The following ZNF804B variants were observed in gnomAD, a reference collection of about 807,000 sequenced individuals.
ZNF804B encodes the protein zinc finger protein 804B.
In ZNF804B, 80 loss-of-function variants were observed where a neutral mutation model predicts 101.4. The observed-to-expected ratio is 0.79, with a 90% CI of 0.66 to 0.95. ZNF804B has a LOEUF of 0.95. Among genes scored for constraint, ZNF804B ranks in the 40% least tolerant of loss-of-function variants. The pLI is 0.00. For synonymous variants in ZNF804B, 622 were observed against 558.8 expected (o/e 1.11, Z -1.59); for missense variants, 1,673 against 1,561.9 (o/e 1.07, Z -1.20).
intron 1 of ZNF804B, among the ~76,000 whole-genome samples, chr7:89,144,754 A>G (rs900659066): frequency 6.6e-6 from 1 of 152,090 alleles, no homozygotes; most frequent in East Asian, 1.9e-4. Context: ...AGCTTGATTT[A>G]ATCATCCAAC....
chr7:89,039,529 G>A (rs1238018225), intron 1 of ZNF804B, among the ~76,000 whole-genome samples: 2 of 151,592 alleles, frequency 1.3e-5, no homozygotes, highest in Non-Finnish European at 2.9e-5. Context: ...ATTCATATAT[G>A]TTGATTTTGT....
At chr7:89,005,435 A>G (rs1318945487) in intron 1 of ZNF804B, among the ~76,000 whole-genome samples, 1 of 152,102 alleles carries the variant, frequency 6.6e-6, no homozygotes, top group Non-Finnish European at 1.5e-5. Flanking sequence ...CATTTTTAAT[A>G]CTACTGTGTA....
intron 1 of ZNF804B, among the ~76,000 whole-genome samples, chr7:88,842,309 C>T (rs1341288673): frequency 6.6e-6 from 1 of 152,196 alleles, no homozygotes; most frequent in African/African-American, 2.4e-5. Context: ...CACTCTGCTT[C>T]AGCCATTGTC....
At chr7:89,096,799 G>C (rs1789977932) in intron 1 of ZNF804B, among the ~76,000 whole-genome samples, 1 of 151,820 alleles carries the variant, frequency 6.6e-6, no homozygotes, top group Admixed American at 6.6e-5. Context: ...TATTTTTATT[G>C]CAAGTGGCCA....
chr7:88,834,900 C>CA (rs1339620015), intron 1 of ZNF804B, among the ~76,000 whole-genome samples: 2 of 151,692 alleles, frequency 1.3e-5, no homozygotes, highest in African/African-American at 2.4e-5. Flanking sequence ...ATGTCCAGAA[C>CA]AACATATGAC....
rs887842024 is a variant in ZNF804B, at chr7:89,086,793, C to A, written c.109-131362C>A. Among the ~76,000 whole-genome samples the A allele has an allele frequency of 5.3e-5, 8 of 151,724 alleles. 1 individual carries two copies. The highest frequency in any genetic ancestry group is 5.3e-4 in the Admixed American group (8 of 15,196). The stretch of plus-strand genomic sequence containing the variant: ...GCATGGTTTTTATAATAAATTAATT[C>A]TTCCTAGAAGCTTGTGTGTAAGTAA... On this transcript the variant is annotated intron_variant, in intron 1 of 3. Transcript: ENST00000333190.
chr7:89,161,963 T>A (rs947949028), intron 1 of ZNF804B, among the ~76,000 whole-genome samples: 1 of 152,182 alleles, frequency 6.6e-6, no homozygotes, highest in Non-Finnish European at 1.5e-5. Flanking sequence ...TTGATAATGA[T>A]CTACACAGAT....
intron 1 of ZNF804B, among the ~76,000 whole-genome samples, chr7:88,976,275 T>C (rs1227485323): frequency 1.3e-5 from 2 of 151,658 alleles, no homozygotes; most frequent in African/African-American, 4.8e-5. Context: ...ATTTTTTCTA[T>C]TTCTGTGAAG....
intron 2 of ZNF804B, among the ~76,000 whole-genome samples, chr7:89,309,352 G>A (rs538434724): frequency 1.3e-5 from 2 of 152,254 alleles, no homozygotes; most frequent in Admixed American, 1.3e-4. Flanking sequence ...TGTGTAGTGA[G>A]AATTAGTAAT....
intron 2 of ZNF804B, among the ~76,000 whole-genome samples, chr7:89,283,634 G>C (rs1380598440): frequency 4.6e-5 from 7 of 152,114 alleles, no homozygotes; most frequent in Non-Finnish European, 1.0e-4. Flanking sequence ...TTAAATCAGA[G>C]TGTTGTGTCA....
intron 1 of ZNF804B, among the ~76,000 whole-genome samples, chr7:88,876,410 C>G (rs1330804713): frequency 6.6e-6 from 1 of 152,156 alleles, no homozygotes; most frequent in Non-Finnish European, 1.5e-5. Context: ...GTCTAGGCTT[C>G]TTTAATTTAA....
In ZNF804B at chr7:88,801,045, T is replaced by TTTTTA. The variant is rs1554336068; in HGVS notation, c.108+40980_108+40984dup. Among the ~76,000 whole-genome samples the TTTTTA allele has an allele frequency of 3.3e-5, 5 of 152,106 alleles. No homozygotes were observed. The South Asian group carries it at 8.3e-4, about 25-fold the overall frequency. Reference sequence around the variant, plus strand: ...CTATTAGAATAATCTAGTGGAGAATTTTTTATTTTATTTTATTTTATTTCC... The same window carrying TTTTTA: ...CTATTAGAATAATCTAGTGGAGAATTTTTTATTTTATTTTATTTTATTTTATTTCC... On this transcript the variant is annotated intron_variant, in intron 1 of 3. Coordinates refer to ENST00000333190, the MANE Select transcript of ZNF804B (RefSeq NM_181646.5).
chr7:89,285,546 A>AAAAAAAAAAAGAAG (rs1554389597), intron 2 of ZNF804B, among the ~76,000 whole-genome samples: 5 of 93,420 alleles, frequency 5.4e-5, no homozygotes, highest in Non-Finnish European at 1.0e-4. Context: ...AAAAAAAAAA[A>AAAAAAAAAAAGAAG]AAGAAGAAGA....
chr7:88,807,954 T>G (rs1388872567), intron 1 of ZNF804B, among the ~76,000 whole-genome samples: 1 of 152,148 alleles, frequency 6.6e-6, no homozygotes, highest in African/African-American at 2.4e-5. Context: ...TTCACTAAAT[T>G]GTAAACTGTC....
chr7:88,993,862 T>C (rs1793883169), intron 1 of ZNF804B, among the ~76,000 whole-genome samples: 1 of 151,980 alleles, frequency 6.6e-6, no homozygotes, highest in Non-Finnish European at 1.5e-5. Context: ...GGAAAAAAGA[T>C]AGAAAATTTG....
intron 1 of ZNF804B, among the ~76,000 whole-genome samples, chr7:88,856,697 G>C (rs1467920216): frequency 6.6e-6 from 1 of 152,090 alleles, no homozygotes; most frequent in African/African-American, 2.4e-5. Flanking sequence ...TTTTCAAAGG[G>C]AATGCTTCCA....
At chr7:88,990,513 A>C (rs1793829811) in intron 1 of ZNF804B, among the ~76,000 whole-genome samples, 1 of 152,048 alleles carries the variant, frequency 6.6e-6, no homozygotes, top group Non-Finnish European at 1.5e-5. Context: ...TTACAGAGTA[A>C]AAAATAAAGG....
At chr7:88,917,680 C>A (rs1792656675) in intron 1 of ZNF804B, among the ~76,000 whole-genome samples, 1 of 152,044 alleles carries the variant, frequency 6.6e-6, no homozygotes, top group African/African-American at 2.4e-5. Flanking sequence ...CAAATTACAT[C>A]AAGATTGCCA....
intron 1 of ZNF804B, among the ~76,000 whole-genome samples, chr7:89,110,745 T>G (rs1790203755): frequency 2.0e-5 from 3 of 152,134 alleles, no homozygotes; most frequent in African/African-American, 7.2e-5. Flanking sequence ...CGGGTTTCAG[T>G]CTTTGTATTA....
Sources: gnomAD v4.1 joint callset for allele counts (sites outside exome capture counted in the v4.1 genomes callset) on GRCh38, gnomAD v4.1.1 for gene constraint, MANE v1.5 for transcripts, NCBI Gene and HGNC (gene_info 2026-07-23, HGNC 2026-07-21) for gene names.